Variants in AKR1E2 observed in about 807,000 individuals in gnomAD.
AKR1E2 encodes the protein 1,5-anhydro-D-fructose reductase.
A neutral mutation model predicts 41.9 loss-of-function variants in AKR1E2; 43 were observed. That is an observed-to-expected ratio of 1.03 (90% CI 0.80 to 1.32). The LOEUF is 1.32. AKR1E2 is among the 40% of genes most tolerant of loss of function. The pLI, the probability that AKR1E2 is intolerant of heterozygous loss-of-function variation, is 0.00. For synonymous variants in AKR1E2, 121 were observed against 138.9 expected (o/e 0.87, Z 0.91); for missense variants, 423 against 396.5 (o/e 1.07, Z -0.57).
the AKR1E2 span, among the ~76,000 whole-genome samples, chr10:4,857,479 T>C: frequency 8.6e-4 from 131 of 152,304 alleles, 3 homozygotes; most frequent in East Asian, 0.021. Flanking sequence ...TCTGCCATGA[T>C]TGTAAGTTTC....
intron 3 of AKR1E2, among the ~76,000 whole-genome samples, chr10:4,835,291 T>TA (rs1833311179): frequency 6.6e-6 from 1 of 152,228 alleles, no homozygotes; most frequent in Non-Finnish European, 1.5e-5. Context: ...GACAAGACCC[T>TA]AACAGTGGAG....
chr10:4,832,723 C>G (rs1358001143), intron 2 of AKR1E2, among the ~76,000 whole-genome samples: 1 of 151,980 alleles, frequency 6.6e-6, no homozygotes, highest in Non-Finnish European at 1.5e-5. Flanking sequence ...ATTCCCCTTT[C>G]TTTTACTTTC....
At chr10:4,827,908 T>C (rs1015289998) in intron 1 of AKR1E2, among the ~76,000 whole-genome samples, 4 of 152,194 alleles carry the variant, frequency 2.6e-5, no homozygotes, top group African/African-American at 9.6e-5. Context: ...CAGACTTTCG[T>C]GCACACAGGA....
chr10:4,866,963 T>C, the AKR1E2 span, among the ~76,000 whole-genome samples: 34,138 of 151,758 alleles, frequency 0.22, 4,045 homozygotes, highest in Middle Eastern at 0.35. Context: ...TTACGGAGGG[T>C]CAGAATCTTG....
In AKR1E2 at chr10:4,842,490, A is replaced by C. The variant is rs765007557; in HGVS notation, c.823A>C (p.Lys275Gln). 4.3e-6 allele frequency: 7 copies of C among 1,614,072 alleles called. No individual in the cohort carries two copies. Among genetic ancestry groups the C allele is most frequent in the Non-Finnish European group, 5.9e-6 (7 of 1,179,932 alleles). ...IPGSITPSHI[K>Q]ENIQVFDFEL... ...CGGATCTATCACCCCAAGTCACATT[A>C]AAGAGAATATCCAGGTAGGTGTATT... is the stretch of plus-strand genomic sequence containing the variant. Residue 275 changes from lysine (K) to glutamine (Q), a missense_variant, in exon 8 of 10, where the codon AAA becomes CAA. Lys to Gln is a moderately conservative substitution (Grantham distance 53, BLOSUM62 1). Transcript: ENST00000298375.
upstream of AKR1E2, among the ~76,000 whole-genome samples, chr10:4,825,914 G>C (rs1205794394): frequency 1.3e-5 from 2 of 152,150 alleles, no homozygotes; most frequent in African/African-American, 2.4e-5. Context: ...GCAACCAGGA[G>C]GTCACACCTA....
intron 4 of AKR1E2, among the ~76,000 whole-genome samples, chr10:4,836,475 C>G (rs1833432406): frequency 6.6e-6 from 1 of 152,294 alleles, no homozygotes; most frequent in East Asian, 1.9e-4. Flanking sequence ...GTCTTACAGT[C>G]TTGCTAACCA....
At chr10:4,861,959 C>G in the AKR1E2 span, among the ~76,000 whole-genome samples, 61 of 152,262 alleles carry the variant, frequency 4.0e-4, no homozygotes, top group Non-Finnish European at 8.5e-4. Flanking sequence ...TCAATTTTGG[C>G]TTTTGTTGCC....
At chr10:4,848,926 G>A (rs1438713987), downstream of AKR1E2, among the ~76,000 whole-genome samples, 1 of 152,226 alleles carries the variant, frequency 6.6e-6, no homozygotes, top group Non-Finnish European at 1.5e-5. Flanking sequence ...CCCAAGTTAT[G>A]TTCTAGGAAG....
intron 8 of AKR1E2, among the ~76,000 whole-genome samples, chr10:4,843,767 G>T (rs1265845770): frequency 6.6e-6 from 1 of 152,230 alleles, no homozygotes; most frequent in Non-Finnish European, 1.5e-5. Context: ...GGTTCCTCAT[G>T]GTGTCTACAG....
downstream of AKR1E2, among the ~76,000 whole-genome samples, chr10:4,848,283 C>T (rs1170421514): frequency 2.6e-5 from 4 of 152,310 alleles, no homozygotes; most frequent in South Asian, 8.3e-4. Context: ...ACCCCCATAG[C>T]GGAGATGAAA....
At chr10:4,838,781 T>C (rs1368080517) in intron 5 of AKR1E2, among the ~76,000 whole-genome samples, 1 of 152,226 alleles carries the variant, frequency 6.6e-6, no homozygotes. Context: ...TTTTGATATA[T>C]GTTTATATGG....
At chr10:4,860,419 G>T in the AKR1E2 span, among the ~76,000 whole-genome samples, 3 of 152,128 alleles carry the variant, frequency 2.0e-5, no homozygotes, top group Non-Finnish European at 4.4e-5. Context: ...AGTTTTGATA[G>T]CTGTTGTGAT....
the AKR1E2 span, among the ~76,000 whole-genome samples, chr10:4,870,263 A>G: frequency 2.0e-5 from 3 of 152,054 alleles, no homozygotes; most frequent in Non-Finnish European, 2.9e-5. Flanking sequence ...TATTTCTACC[A>G]CATCCATTTA....
chr10:4,832,136 A>G (rs1406051228), intron 2 of AKR1E2, among the ~76,000 whole-genome samples: 2 of 152,124 alleles, frequency 1.3e-5, no homozygotes, highest in African/African-American at 4.8e-5. Context: ...CCATGAGATC[A>G]GGAGTCATGG....
chr10:4,827,913 A>G (rs1399277177), intron 1 of AKR1E2, among the ~76,000 whole-genome samples: 1 of 152,210 alleles, frequency 6.6e-6, no homozygotes. Flanking sequence ...TTTCGTGCAC[A>G]CAGGATAAGG....
At chr10:4,850,246 G>A (rs1328740703), downstream of AKR1E2, among the ~76,000 whole-genome samples, 1 of 152,178 alleles carries the variant, frequency 6.6e-6, no homozygotes, top group Non-Finnish European at 1.5e-5. Flanking sequence ...GGGACCCTCT[G>A]CGTCAAATGA....
chr10:4,825,753 A>AG (rs1300124520), upstream of AKR1E2, among the ~76,000 whole-genome samples: 1 of 152,182 alleles, frequency 6.6e-6, no homozygotes, highest in Non-Finnish European at 1.5e-5. Context: ...CCTGTGCCCC[A>AG]GGGGACGCAG....
At chr10:4,840,787 T>A (rs534954469) in intron 6 of AKR1E2, among the ~76,000 whole-genome samples, 30 of 152,218 alleles carry the variant, frequency 2.0e-4, no homozygotes, top group Non-Finnish European at 3.7e-4. Flanking sequence ...CAGCATCATC[T>A]TCTCCAGGAA....
Sources: allele counts gnomAD v4.1 joint callset (sites outside exome capture counted in the v4.1 genomes callset), GRCh38; gene constraint gnomAD v4.1.1; transcripts MANE v1.5; gene names NCBI Gene and HGNC (gene_info 2026-07-23, HGNC 2026-07-21).